Variants in KCTD8 observed in about 807,000 individuals in gnomAD.
The protein encoded by KCTD8 is potassium channel tetramerization domain containing 8, also known as BTB/POZ domain-containing protein KCTD8.
KCTD8 carries 27 observed loss-of-function variants against 31.5 expected under a neutral mutation model. The ratio of observed to expected loss-of-function variants is 0.86; its 90% CI spans 0.63 to 1.18. The LOEUF is 1.18. KCTD8 is among the 50% of genes most tolerant of loss of function. The pLI, the probability that KCTD8 is intolerant of heterozygous loss-of-function variation, is 0.00. For synonymous variants in KCTD8, 290 were observed against 280.0 expected, an observed-to-expected ratio of 1.04 and a Z score of -0.36; for missense variants, 658 against 647.7, an observed-to-expected ratio of 1.02 and a Z score of -0.17.
chr4:44,231,632 A>G (rs1335603548), intron 1 of KCTD8, among the ~76,000 whole-genome samples: 1 of 152,196 alleles, frequency 6.6e-6, no homozygotes, highest in Non-Finnish European at 1.5e-5. Context: ...AAGCAGTAGG[A>G]AATCTGATTT....
At chr4:44,318,722 C>T (rs1010070454) in intron 1 of KCTD8, among the ~76,000 whole-genome samples, 7 of 152,100 alleles carry the variant, frequency 4.6e-5, no homozygotes, top group African/African-American at 1.7e-4. Context: ...TAAAGTTTGA[C>T]TTGAAGAAGA....
chr4:44,410,291 G>A (rs1225512774), intron 1 of KCTD8, among the ~76,000 whole-genome samples: 1 of 152,082 alleles, frequency 6.6e-6, no homozygotes, highest in African/African-American at 2.4e-5. Context: ...TTAATGCCTA[G>A]TGACAAATAT....
chr4:44,224,984 G>A (rs932194704), intron 1 of KCTD8, among the ~76,000 whole-genome samples: 2 of 152,080 alleles, frequency 1.3e-5, no homozygotes, highest in Admixed American at 1.3e-4. Context: ...CTAGTCATAT[G>A]ACCCCATACA....
At chr4:44,421,236 T>G (rs2109470819) in intron 1 of KCTD8, among the ~76,000 whole-genome samples, 1 of 152,156 alleles carries the variant, frequency 6.6e-6, no homozygotes. Flanking sequence ...CATAAAAAAC[T>G]TTAAAGACTT....
chr4:44,401,867 G>T (rs1720673339), intron 1 of KCTD8, among the ~76,000 whole-genome samples: 1 of 151,932 alleles, frequency 6.6e-6, no homozygotes, highest in African/African-American at 2.4e-5. Flanking sequence ...ATATTATTAT[G>T]GCATCAAATA....
chr4:44,326,762 T>C (rs1259575316), intron 1 of KCTD8, among the ~76,000 whole-genome samples: 1 of 151,790 alleles, frequency 6.6e-6, no homozygotes, highest in Non-Finnish European at 1.5e-5. Flanking sequence ...TGTATATCCA[T>C]GACTAATACT....
intron 1 of KCTD8, among the ~76,000 whole-genome samples, chr4:44,326,794 C>T (rs1718452829): frequency 6.6e-6 from 1 of 151,752 alleles, no homozygotes. Context: ...AATATATAAA[C>T]ATTTGAAGGC....
At chr4:44,312,725 A>T (rs1193737295) in intron 1 of KCTD8, among the ~76,000 whole-genome samples, 3 of 152,044 alleles carry the variant, frequency 2.0e-5, no homozygotes, top group Non-Finnish European at 4.4e-5. Flanking sequence ...ATATCCATAG[A>T]TTATTTGTCT....
intron 1 of KCTD8, among the ~76,000 whole-genome samples, chr4:44,360,261 T>G (rs77169582): frequency 6.6e-6 from 1 of 152,046 alleles, no homozygotes; most frequent in Admixed American, 6.5e-5. Flanking sequence ...ATCTATAAAA[T>G]TATTTGCTTT....
intron 1 of KCTD8, among the ~76,000 whole-genome samples, chr4:44,418,679 C>G (rs1721138276): frequency 6.6e-6 from 1 of 152,180 alleles, no homozygotes; most frequent in African/African-American, 2.4e-5. Flanking sequence ...ACATGCCTTT[C>G]ACAGAATTCC....
intron 1 of KCTD8, among the ~76,000 whole-genome samples, chr4:44,409,253 G>A (rs552164252): frequency 6.6e-6 from 1 of 151,378 alleles, no homozygotes; most frequent in Non-Finnish European, 1.5e-5. Flanking sequence ...AGAAAGGGAA[G>A]AAAGGAGGAA....
intron 1 of KCTD8, among the ~76,000 whole-genome samples, chr4:44,255,053 T>C (rs769426782): frequency 4.6e-5 from 7 of 151,904 alleles, no homozygotes; most frequent in African/African-American, 7.2e-5. Flanking sequence ...GATGAGTATA[T>C]AAGGTATTTT....
At chr4:44,220,530 C>T (rs749632911) in intron 1 of KCTD8, among the ~76,000 whole-genome samples, 1 of 152,106 alleles carries the variant, frequency 6.6e-6, no homozygotes, top group African/African-American at 2.4e-5. Flanking sequence ...GTATGTATTA[C>T]TAGACATTTT....
At chr4:44,238,208 A>T (rs1456917659) in intron 1 of KCTD8, among the ~76,000 whole-genome samples, 4 of 151,820 alleles carry the variant, frequency 2.6e-5, no homozygotes, top group Non-Finnish European at 2.9e-5. Context: ...GCCCTACACT[A>T]GTCAACTGCT....
At chr4:44,331,218 A>G (rs189681430) in intron 1 of KCTD8, among the ~76,000 whole-genome samples, 4 of 151,994 alleles carry the variant, frequency 2.6e-5, no homozygotes, top group Non-Finnish European at 5.9e-5. Flanking sequence ...GATAAAAAGA[A>G]TAGTTCTAAT....
intron 1 of KCTD8, among the ~76,000 whole-genome samples, chr4:44,397,212 A>G (rs1381707806): frequency 6.6e-6 from 1 of 152,222 alleles, no homozygotes; most frequent in Non-Finnish European, 1.5e-5. Context: ...ATAAAAATGA[A>G]AAATACAGAA....
intron 1 of KCTD8, among the ~76,000 whole-genome samples, chr4:44,193,637 T>C (rs1251322512): frequency 6.6e-6 from 1 of 151,930 alleles, no homozygotes; most frequent in Non-Finnish European, 1.5e-5. Flanking sequence ...CATCTAGGTA[T>C]TTTAACAAAA....
chr4:44,280,102 T>C (rs1298418035), intron 1 of KCTD8, among the ~76,000 whole-genome samples: 3 of 152,076 alleles, frequency 2.0e-5, no homozygotes, highest in Admixed American at 6.6e-5. Flanking sequence ...ATTCCTAATC[T>C]AGGTAATTTA....
rs569715043 is a variant in KCTD8 at position 44,205,674 on chromosome 4, G to A, written c.962-30424C>T. On this transcript the variant is annotated intron_variant, in intron 1 of 1. Coordinates refer to ENST00000360029, the MANE Select transcript of KCTD8 (RefSeq NM_198353.3). The stretch of plus-strand genomic sequence containing the variant: ...CACTGTAGTGTTAAGGAGAAGTAAC[G>A]AACTAAGGAAATAACAAATATAATG... 1.6e-3 allele frequency among the ~76,000 whole-genome samples: 251 copies of A among 152,200 alleles called. 1 individual carries two copies. Among genetic ancestry groups the A allele is most frequent in the African/African-American group, 5.8e-3 (241 of 41,526 alleles).
Sources: allele counts gnomAD v4.1 joint callset (sites outside exome capture counted in the v4.1 genomes callset), GRCh38; gene constraint gnomAD v4.1.1; transcripts MANE v1.5; gene names NCBI Gene and HGNC (gene_info 2026-07-23, HGNC 2026-07-21).